Variants in LDB2 observed in about 807,000 individuals in gnomAD.
LDB2 encodes LIM domain-binding protein 2.
LDB2 carries 12 observed loss-of-function variants against 44.3 expected under a neutral mutation model. That is an observed-to-expected ratio of 0.27 (90% CI 0.17 to 0.44). LDB2 has a LOEUF of 0.44. Ranked by LOEUF, LDB2 falls within the 20% of genes least tolerant of loss-of-function variation. LDB2 has a pLI of 1.00. For missense variants in LDB2, 344 were observed against 473.5 expected (o/e 0.73, Z 2.54); for synonymous variants, 164 against 174.8 (o/e 0.94, Z 0.49).
intron 5 of LDB2, among the ~76,000 whole-genome samples, chr4:16,565,415 A>G (rs1744136699): frequency 6.6e-6 from 1 of 152,136 alleles, no homozygotes; most frequent in African/African-American, 2.4e-5. Flanking sequence ...CATCAGAGAT[A>G]CATTTGATAA....
intron 1 of LDB2, among the ~76,000 whole-genome samples, chr4:16,816,373 A>G (rs1342963462): frequency 1.4e-5 from 2 of 146,870 alleles, no homozygotes; most frequent in Non-Finnish European, 3.0e-5. Flanking sequence ...CTTCAATTAT[A>G]TCTTCATTTT....
intron 2 of LDB2, among the ~76,000 whole-genome samples, chr4:16,665,459 G>A (rs1742829632): frequency 6.6e-6 from 1 of 151,980 alleles, no homozygotes; most frequent in Non-Finnish European, 1.5e-5. Flanking sequence ...TAGAGACGGG[G>A]TTTCACCATG....
intron 1 of LDB2, among the ~76,000 whole-genome samples, chr4:16,851,460 G>C (rs1788230266): frequency 1.3e-5 from 2 of 152,062 alleles, no homozygotes; most frequent in African/African-American, 4.8e-5. Context: ...CGGGCATGGT[G>C]GTGGGCACCT....
chr4:16,617,518 T>C (rs567260576), intron 2 of LDB2, among the ~76,000 whole-genome samples: 1 of 152,148 alleles, frequency 6.6e-6, no homozygotes, highest in African/African-American at 2.4e-5. Flanking sequence ...CATTCAAGTG[T>C]AGGTGTTGGA....
intron 5 of LDB2, among the ~76,000 whole-genome samples, chr4:16,555,838 T>A (rs1030039571): frequency 1.3e-5 from 2 of 152,184 alleles, no homozygotes; most frequent in African/African-American, 2.4e-5. Context: ...CTCTGTGTCA[T>A]CTGCCACCAA....
chr4:16,543,903 A>C (rs1005853467), intron 5 of LDB2, among the ~76,000 whole-genome samples: 7 of 152,214 alleles, frequency 4.6e-5, no homozygotes, highest in African/African-American at 1.7e-4. Context: ...CAAAGAACTT[A>C]AACAAATTTA....
intron 1 of LDB2, among the ~76,000 whole-genome samples, chr4:16,881,303 G>C (rs1237759476): frequency 6.6e-6 from 1 of 152,118 alleles, no homozygotes; most frequent in East Asian, 1.9e-4. Context: ...AGCCTCTCTC[G>C]GCCTCACTTA....
At chr4:16,741,785 TCAAAG>T (rs1763303178) in intron 2 of LDB2, among the ~76,000 whole-genome samples, 1 of 152,198 alleles carries the variant, frequency 6.6e-6, no homozygotes, top group Non-Finnish European at 1.5e-5. Flanking sequence ...TATAGTTTGC[TCAAAG>T]CACTTATCAA....
intron 2 of LDB2, among the ~76,000 whole-genome samples, chr4:16,678,629 T>C (rs1746950358): frequency 6.6e-6 from 1 of 152,178 alleles, no homozygotes; most frequent in Non-Finnish European, 1.5e-5. Flanking sequence ...CTAGAGGAGT[T>C]ACTAAGAAAA....
intron 2 of LDB2, among the ~76,000 whole-genome samples, chr4:16,671,889 G>C (rs1453276971): frequency 6.6e-6 from 1 of 151,970 alleles, no homozygotes; most frequent in South Asian, 2.1e-4. Flanking sequence ...GAATGAAAGT[G>C]GGCTGCAGCT....
intron 2 of LDB2, among the ~76,000 whole-genome samples, chr4:16,681,725 G>C (rs1747964387): frequency 7.0e-6 from 1 of 143,700 alleles, no homozygotes; most frequent in Non-Finnish European, 1.5e-5. Flanking sequence ...CTCCCGCCAC[G>C]AGGCCTGGCT....
intron 2 of LDB2, among the ~76,000 whole-genome samples, chr4:16,672,373 G>A (rs1745001116): frequency 2.0e-5 from 3 of 152,166 alleles, no homozygotes; most frequent in Admixed American, 2.0e-4. Flanking sequence ...GAAGGGAACA[G>A]ATGGGAAAAA....
At chr4:16,813,431 T>G (rs1483875997) in intron 1 of LDB2, among the ~76,000 whole-genome samples, 4 of 152,146 alleles carry the variant, frequency 2.6e-5, no homozygotes, top group African/African-American at 9.7e-5. Context: ...GAGACAATAT[T>G]ATTATTATCT....
intron 2 of LDB2, among the ~76,000 whole-genome samples, chr4:16,757,063 C>T (rs959615832): frequency 6.6e-6 from 1 of 152,136 alleles, no homozygotes; most frequent in Non-Finnish European, 1.5e-5. Flanking sequence ...GCTGCAGCTT[C>T]TAGCCCCAGG....
chr4:16,649,442 A>T (rs891731970), intron 2 of LDB2, among the ~76,000 whole-genome samples: 1 of 152,222 alleles, frequency 6.6e-6, no homozygotes, highest in African/African-American at 2.4e-5. Context: ...TAAAGTGCTT[A>T]ACAGATTTTT....
chr4:16,635,387 G>A (rs527993214), intron 2 of LDB2, among the ~76,000 whole-genome samples: 24 of 152,152 alleles, frequency 1.6e-4, no homozygotes, highest in Admixed American at 7.2e-4. Flanking sequence ...AAATTCAAAT[G>A]GTTGGGAGTC....
At chr4:16,738,745 T>C (rs566884888) in intron 2 of LDB2, among the ~76,000 whole-genome samples, 3 of 152,346 alleles carry the variant, frequency 2.0e-5, no homozygotes, top group Non-Finnish European at 4.4e-5. Flanking sequence ...TGAACAAATG[T>C]TAGCAGTGTT....
Position 16,549,712 on chromosome 4 carries a change from C to T in LDB2, c.615+36210G>A, listed in dbSNP as rs1736969189. ...AAGTACTCTCAGTGTATACTATCTG[C>T]CCCTGGAAAGGATTAGAGAAGTTAC... is the stretch of plus-strand genomic sequence containing the variant. On this transcript the variant is annotated intron_variant, in intron 5 of 7. Coordinates refer to ENST00000304523, the MANE Select transcript of LDB2 (RefSeq NM_001290.5). 2.6e-5 allele frequency among the ~76,000 whole-genome samples: 4 copies of T among 152,174 alleles called. No individual in the cohort carries two copies. The South Asian group carries it at 8.3e-4, about 31-fold the overall frequency.
chr4:16,760,482 T>C (rs57152706), intron 1 of LDB2, among the ~76,000 whole-genome samples: 2,564 of 152,218 alleles, frequency 0.017, 41 homozygotes, highest in East Asian at 0.079. Flanking sequence ...CCAATCACCA[T>C]AGCAAAAGCC....
Sources: allele counts gnomAD v4.1 joint callset (sites outside exome capture counted in the v4.1 genomes callset), GRCh38; gene constraint gnomAD v4.1.1; transcripts MANE v1.5; gene names NCBI Gene and HGNC (gene_info 2026-07-23, HGNC 2026-07-21).